Variants in SEMA6D observed in about 807,000 individuals in gnomAD.
SEMA6D encodes the protein semaphorin 6D, also known as semaphorin-6D.
Under a neutral mutation model 106.6 loss-of-function variants are expected in SEMA6D, and 35 were observed. The ratio of observed to expected loss-of-function variants is 0.33; its 90% CI spans 0.25 to 0.44. The LOEUF (loss-of-function observed/expected upper bound fraction) is 0.44, where lower values mean the gene tolerates loss of function less well. SEMA6D is among the 20% of genes least tolerant of loss of function. SEMA6D has a pLI of 1.00. For missense variants in SEMA6D, 1,185 were observed against 1,345.9 expected, an observed-to-expected ratio of 0.88 and a Z score of 1.87; for synonymous variants, 499 against 487.7, an observed-to-expected ratio of 1.02 and a Z score of -0.31.
At chr15:47,523,287 G>A (rs1656623) in intron 3 of SEMA6D, among the ~76,000 whole-genome samples, 65,173 of 151,844 alleles carry the variant, frequency 0.43, 15,025 homozygotes, top group East Asian at 0.81. Flanking sequence ...GCTGTGCTCT[G>A]AGAGGAAACA....
chr15:47,283,794 C>T (rs1280440075), intron 1 of SEMA6D, among the ~76,000 whole-genome samples: 1 of 152,228 alleles, frequency 6.6e-6, no homozygotes, highest in Non-Finnish European at 1.5e-5. Flanking sequence ...CCCACCTACT[C>T]ACCCTTGCCA....
intron 3 of SEMA6D, among the ~76,000 whole-genome samples, chr15:47,526,747 T>A (rs1356200678): frequency 6.6e-6 from 1 of 152,162 alleles, no homozygotes; most frequent in East Asian, 1.9e-4. Flanking sequence ...ATTATTTTTT[T>A]TTTTTCTGAG....
chr15:47,372,125 C>G (rs1408517362), intron 1 of SEMA6D, among the ~76,000 whole-genome samples: 1 of 152,224 alleles, frequency 6.6e-6, no homozygotes, highest in Non-Finnish European at 1.5e-5. Flanking sequence ...ATTGCTTGGA[C>G]TTGGTGAAAG....
At chr15:47,329,562 C>T (rs1226401843) in intron 1 of SEMA6D, among the ~76,000 whole-genome samples, 1 of 152,112 alleles carries the variant, frequency 6.6e-6, no homozygotes, top group Admixed American at 6.6e-5. Context: ...TTAATAATTG[C>T]AATATAACAA....
intron 1 of SEMA6D, among the ~76,000 whole-genome samples, chr15:47,386,782 A>G (rs981185014): frequency 1.3e-5 from 2 of 152,200 alleles, no homozygotes; most frequent in South Asian, 4.1e-4. Flanking sequence ...GCACGTTCTT[A>G]TAGCCATTTA....
At chr15:47,217,198 C>G (rs1228779920) in intron 1 of SEMA6D, among the ~76,000 whole-genome samples, 1 of 152,094 alleles carries the variant, frequency 6.6e-6, no homozygotes, top group African/African-American at 2.4e-5. Context: ...CCCAAATAGA[C>G]TAAGACAGAA....
At chr15:47,329,441 A>T (rs769187922) in intron 1 of SEMA6D, among the ~76,000 whole-genome samples, 12 of 152,228 alleles carry the variant, frequency 7.9e-5, no homozygotes, top group Non-Finnish European at 1.6e-4. Context: ...ATAGAAATAG[A>T]TGAGAAACTA....
At chr15:47,441,150 T>C (rs966907084) in intron 2 of SEMA6D, among the ~76,000 whole-genome samples, 1 of 152,144 alleles carries the variant, frequency 6.6e-6, no homozygotes, top group Non-Finnish European at 1.5e-5. Context: ...TTTTGGTCTT[T>C]CTTATGTTTA....
chr15:47,322,275 A>T (rs577793728), intron 1 of SEMA6D, among the ~76,000 whole-genome samples: 1 of 147,932 alleles, frequency 6.8e-6, no homozygotes, highest in African/African-American at 2.5e-5. Context: ...AGCGTTCACT[A>T]GTTATTTTTT....
intron 1 of SEMA6D, among the ~76,000 whole-genome samples, chr15:47,297,678 A>G (rs2035859607): frequency 6.6e-6 from 1 of 152,202 alleles, no homozygotes; most frequent in Non-Finnish European, 1.5e-5. Flanking sequence ...AAATAAATAC[A>G]CAAAATGAGT....
At chr15:47,686,238 G>C (rs2078465308) in intron 4 of SEMA6D, among the ~76,000 whole-genome samples, 1 of 151,884 alleles carries the variant, frequency 6.6e-6, no homozygotes, top group East Asian at 1.9e-4. Context: ...TAAGAACTAA[G>C]TCATGAATTA....
chr15:47,730,596 C>T (rs2080054232), intron 1 of SEMA6D: 1 of 1,547,414 alleles, frequency 6.5e-7, no homozygotes, highest in African/African-American at 1.4e-5. Context: ...TCGGCCCAGG[C>T]CAACAGTCTC....
At chr15:47,549,691 A>G (rs2045625369) in intron 3 of SEMA6D, among the ~76,000 whole-genome samples, 1 of 152,188 alleles carries the variant, frequency 6.6e-6, no homozygotes, top group Admixed American at 6.5e-5. Context: ...ATCTAGGTCT[A>G]CTAACCACTA....
At chr15:47,577,640 G>A (rs1566905080) in intron 3 of SEMA6D, among the ~76,000 whole-genome samples, 1 of 152,196 alleles carries the variant, frequency 6.6e-6, no homozygotes, top group Non-Finnish European at 1.5e-5. Context: ...AGGATGGTGG[G>A]AGTAGGCAGG....
intron 4 of SEMA6D, among the ~76,000 whole-genome samples, chr15:47,692,968 C>T (rs951944563): frequency 2.0e-5 from 3 of 152,046 alleles, no homozygotes; most frequent in Non-Finnish European, 2.9e-5. Flanking sequence ...CCTCTCCCAC[C>T]CTCAAATATT....
At chr15:47,338,351 T>A (rs2037658738) in intron 1 of SEMA6D, among the ~76,000 whole-genome samples, 1 of 152,190 alleles carries the variant, frequency 6.6e-6, no homozygotes. Flanking sequence ...AAGTTATATG[T>A]TTGCTGAGAC....
chr15:47,314,779 T>C (rs1305036520), intron 1 of SEMA6D, among the ~76,000 whole-genome samples: 4 of 151,146 alleles, frequency 2.6e-5, no homozygotes, highest in Admixed American at 2.6e-4. Flanking sequence ...TTATCAATTA[T>C]TATCTCATGG....
chr15:47,752,255 A>G (rs137888329), intron 1 of SEMA6D, among the ~76,000 whole-genome samples: 57 of 152,354 alleles, frequency 3.7e-4, no homozygotes, highest in African/African-American at 1.3e-3. Context: ...GTAAACCGTC[A>G]GAAGAATGTG....
At chr15:47,727,881 A>ATTTT (rs2079864985) in intron 1 of SEMA6D, among the ~76,000 whole-genome samples, 8 of 152,174 alleles carry the variant, frequency 5.3e-5, no homozygotes, top group African/African-American at 1.9e-4. Flanking sequence ...TCAGGATGGA[A>ATTTT]TTTTTTCCCT....
Sources: allele counts gnomAD v4.1 joint callset (sites outside exome capture counted in the v4.1 genomes callset), GRCh38; gene constraint gnomAD v4.1.1; transcripts MANE v1.5; gene names NCBI Gene and HGNC (gene_info 2026-07-23, HGNC 2026-07-21).